Variants in FAM135B observed in about 807,000 individuals in gnomAD.
The protein encoded by FAM135B is protein FAM135B.
Under a neutral mutation model 127.7 loss-of-function variants are expected in FAM135B, and 43 were observed. The ratio of observed to expected loss-of-function variants is 0.34; its 90% CI spans 0.26 to 0.43. FAM135B has a LOEUF of 0.43. FAM135B is among the 20% of genes least tolerant of loss of function. The pLI is 1.00. For synonymous variants in FAM135B, 670 were observed against 665.1 expected (o/e 1.01, Z -0.11); for missense variants, 1,558 against 1,725.6 (o/e 0.90, Z 1.72).
intron 1 of FAM135B, among the ~76,000 whole-genome samples, chr8:138,490,450 G>A (rs973513700): frequency 6.6e-6 from 1 of 152,192 alleles, no homozygotes; most frequent in African/African-American, 2.4e-5. Context: ...AGACATGGAA[G>A]AGGGCATGCC....
chr8:138,347,003 T>TAAA (rs1829461171), intron 2 of FAM135B, among the ~76,000 whole-genome samples: 4 of 152,230 alleles, frequency 2.6e-5, no homozygotes. Flanking sequence ...TCTTGGTCAC[T>TAAA]AATATCTAGC....
At chr8:138,340,822 G>A (rs961497418) in intron 2 of FAM135B, among the ~76,000 whole-genome samples, 1 of 152,118 alleles carries the variant, frequency 6.6e-6, no homozygotes, top group Non-Finnish European at 1.5e-5. Flanking sequence ...TTGAAGGGCT[G>A]GTTCAAGGTT....
At chr8:138,235,006 A>T (rs1820161586) in intron 7 of FAM135B, among the ~76,000 whole-genome samples, 1 of 152,236 alleles carries the variant, frequency 6.6e-6, no homozygotes, top group Non-Finnish European at 1.5e-5. Flanking sequence ...GTTTGTATAA[A>T]GGTGACTATA....
At chr8:138,490,458 G>T (rs1815152156) in intron 1 of FAM135B, among the ~76,000 whole-genome samples, 2 of 152,174 alleles carry the variant, frequency 1.3e-5, no homozygotes, top group Non-Finnish European at 2.9e-5. Flanking sequence ...AAGAGGGCAT[G>T]CCTGGTTGGG....
At chr8:138,252,781 T>C (rs747368204) in intron 5 of FAM135B, among the ~76,000 whole-genome samples, 11 of 152,128 alleles carry the variant, frequency 7.2e-5, no homozygotes, top group Non-Finnish European at 1.0e-4. Context: ...CTGGAGATGA[T>C]ATAAACAAGG....
At chr8:138,157,055 C>T (rs1470854750) in intron 12 of FAM135B, among the ~76,000 whole-genome samples, 4 of 152,292 alleles carry the variant, frequency 2.6e-5, no homozygotes, top group Admixed American at 2.6e-4. Context: ...CAATAAAATA[C>T]TGGCAAACAG....
chr8:138,229,156 T>C (rs1022185919), intron 7 of FAM135B, among the ~76,000 whole-genome samples: 1 of 152,102 alleles, frequency 6.6e-6, no homozygotes, highest in African/African-American at 2.4e-5. Context: ...AGAGCAGTCA[T>C]TTAAGGAGTT....
chr8:138,315,390 C>T (rs562491885), intron 2 of FAM135B, among the ~76,000 whole-genome samples: 213 of 152,018 alleles, frequency 1.4e-3, no homozygotes, highest in African/African-American at 5.0e-3. Context: ...ATTGGTATAG[C>T]CATTATGAAA....
At chr8:138,439,127 T>A (rs977268914) in intron 1 of FAM135B, 1 of 152,200 alleles carries the variant, frequency 6.6e-6, no homozygotes, top group Non-Finnish European at 1.5e-5. Flanking sequence ...TTGAAGGCCT[T>A]CATTTATCCA....
chr8:138,310,778 G>A (rs181074369), intron 3 of FAM135B, 63 bp downstream of exon 3: 36 of 1,456,258 alleles, frequency 2.5e-5, no homozygotes, highest in Admixed American at 1.2e-4. Context: ...GTGCCCTGGC[G>A]AGCAGTGACA....
chr8:138,460,299 G>C (rs544590883), intron 1 of FAM135B, among the ~76,000 whole-genome samples: 186 of 152,308 alleles, frequency 1.2e-3, no homozygotes, highest in African/African-American at 4.3e-3. Context: ...TCCATAGACT[G>C]TCTGGCTTCA....
chr8:138,162,561 G>A (rs1384229636), intron 12 of FAM135B, among the ~76,000 whole-genome samples: 1 of 152,216 alleles, frequency 6.6e-6, no homozygotes, highest in African/African-American at 2.4e-5. Context: ...CAGGAGGTAT[G>A]TAGGAAATCT....
In FAM135B at chr8:138,132,235, T is replaced by A. The variant is rs114800024; in HGVS notation, c.*358A>T. On this transcript the variant is annotated 3_prime_UTR_variant, in exon 20 of 20. Coordinates refer to ENST00000395297, the MANE Select transcript of FAM135B (RefSeq NM_015912.4). The surrounding 1 kb of genome is among the most constrained non-coding windows in gnomAD (Gnocchi z 4.5). Reference sequence around the variant, plus strand: ...GATAAAGCTATAAGCTAGTAACATATTCGGCAAGTCTAGTTAAATTGGAGT... The same window carrying A: ...GATAAAGCTATAAGCTAGTAACATAATCGGCAAGTCTAGTTAAATTGGAGT... 3.5e-3 allele frequency: 870 copies of A among 251,902 alleles called. 12 individuals carry two copies. Among genetic ancestry groups the A allele is most frequent in the African/African-American group, 0.018 (822 of 44,588 alleles). 15.6% of individuals were successfully genotyped at this position (251,902 alleles called of 1,614,324 possible).
At chr8:138,352,544 T>A (rs962393260) in intron 2 of FAM135B, among the ~76,000 whole-genome samples, 2 of 152,204 alleles carry the variant, frequency 1.3e-5, no homozygotes, top group Non-Finnish European at 2.9e-5. Flanking sequence ...CATCCATTCA[T>A]CTTCTCTCCT....
Position 138,145,994 on chromosome 8 carries a change from C to G in FAM135B, c.3505G>C (p.Gly1169Arg). ...KTFIELGLPG[G>R]KLDFLMSEKN... ...TCAGACATTAGGAAGTCCAGTTTTC[C>G]TCCAGGGAGCCCCAGTTCTATGAAA... is the stretch of plus-strand genomic sequence containing the variant. Residue 1169 changes from glycine (G) to arginine (R), a missense_variant, in exon 15 of 20, where the codon GGA becomes CGA. Gly to Arg is a moderately radical substitution (Grantham distance 125). Around this residue, in one of 5 missense-constraint regions of FAM135B, gnomAD observed 194 missense variants for 333.8 expected, o/e 0.58. Coordinates refer to ENST00000395297, the MANE Select transcript of FAM135B (RefSeq NM_015912.4). 6.2e-7 allele frequency: 1 copy of G among 1,610,472 alleles called. No individual in the cohort carries two copies. Among genetic ancestry groups the G allele is most frequent in the Non-Finnish European group, 8.5e-7 (1 of 1,176,814 alleles).
intron 2 of FAM135B, among the ~76,000 whole-genome samples, chr8:138,343,895 G>C (rs1272835843): frequency 6.6e-6 from 1 of 152,196 alleles, no homozygotes; most frequent in African/African-American, 2.4e-5. Context: ...ACAGGAGGGG[G>C]GTTTAGGAGC....
chr8:138,405,527 C>T (rs7820755), intron 1 of FAM135B, among the ~76,000 whole-genome samples: 60,114 of 151,026 alleles, frequency 0.4, 12,434 homozygotes, highest in African/African-American at 0.52. Context: ...TCCATGTCCC[C>T]ACAAAGGACA....
chr8:138,155,237 G>A (rs1818606616), intron 12 of FAM135B, among the ~76,000 whole-genome samples: 1 of 152,128 alleles, frequency 6.6e-6, no homozygotes, highest in South Asian at 2.1e-4. Flanking sequence ...TTACAGACAA[G>A]CAAATGCTGA....
At position 138,245,718 on chromosome 8, in the gene FAM135B, A is replaced by G. The variant is rs897548955; in HGVS notation, c.543-2650T>C. 2.0e-5 allele frequency among the ~76,000 whole-genome samples: 3 copies of G among 152,188 alleles called. 1 individual carries two copies. Among genetic ancestry groups the G allele is most frequent in the South Asian group, 4.1e-4 (2 of 4,826 alleles). ...CAGAGAGTGGGGTGTTGCTATAAGG[A>G]CACCCAAAAATGTGGGAGTGACTTT... On this transcript the variant is annotated intron_variant, in intron 6 of 19. Transcript: ENST00000395297.
Sources: allele counts gnomAD v4.1 joint callset (sites outside exome capture counted in the v4.1 genomes callset), GRCh38; gene constraint gnomAD v4.1.1; regional missense constraint gnomAD v4.1.1; non-coding constraint Gnocchi (gnomAD v3.1); transcripts MANE v1.5; gene names NCBI Gene and HGNC (gene_info 2026-07-23, HGNC 2026-07-21).